The following GPC6 variants were observed in gnomAD, a reference collection of about 807,000 sequenced individuals.
GPC6 encodes glypican-6.
A neutral mutation model predicts 55.2 loss-of-function variants in GPC6; 14 were observed. The ratio of observed to expected loss-of-function variants is 0.25; its 90% confidence interval spans 0.17 to 0.40. GPC6 has a LOEUF of 0.40. Among genes scored for constraint, GPC6 ranks in the 10% least tolerant of loss-of-function variants. GPC6 has a pLI of 1.00. For synonymous variants in GPC6, 278 were observed against 259.6 expected, an observed-to-expected ratio of 1.07 and a Z score of -0.68; for missense variants, 641 against 708.5, an observed-to-expected ratio of 0.90 and a Z score of 1.08.
chr13:93,812,209 T>G (rs1402767069), intron 2 of GPC6, among the ~76,000 whole-genome samples: 1 of 149,938 alleles, frequency 6.7e-6, no homozygotes, highest in Admixed American at 6.7e-5. Context: ...GCCAACATGG[T>G]GAAACCCTGT....
intron 1 of GPC6, among the ~76,000 whole-genome samples, chr13:93,437,438 A>C (rs1432438410): frequency 6.6e-6 from 1 of 152,216 alleles, no homozygotes; most frequent in Non-Finnish European, 1.5e-5. Context: ...TTTTTGAAGG[A>C]AATTAAAAGT....
intron 3 of GPC6, among the ~76,000 whole-genome samples, chr13:93,883,105 G>A (rs891505614): frequency 3.3e-5 from 5 of 150,204 alleles, no homozygotes; most frequent in Non-Finnish European, 5.9e-5. Flanking sequence ...TTCCTCTTCT[G>A]TCTTTCTGGT....
At chr13:93,300,348 T>C (rs1159139939) in intron 1 of GPC6, among the ~76,000 whole-genome samples, 4 of 152,136 alleles carry the variant, frequency 2.6e-5, no homozygotes, top group African/African-American at 9.7e-5. Context: ...CTTTTGTGAA[T>C]TGAGGTTTAA....
chr13:93,942,679 A>G (rs1878796950), intron 3 of GPC6, among the ~76,000 whole-genome samples: 1 of 152,146 alleles, frequency 6.6e-6, no homozygotes, highest in South Asian at 2.1e-4. Flanking sequence ...GCCATAGTCT[A>G]TTCATTAGAA....
intron 4 of GPC6, among the ~76,000 whole-genome samples, chr13:94,243,703 A>G (rs1891120660): frequency 6.6e-6 from 1 of 152,148 alleles, no homozygotes; most frequent in Non-Finnish European, 1.5e-5. Flanking sequence ...TTAGTGCTCA[A>G]TCCTCATGGA....
At chr13:93,972,534 C>G (rs1880330104) in intron 3 of GPC6, among the ~76,000 whole-genome samples, 1 of 152,098 alleles carries the variant, frequency 6.6e-6, no homozygotes, top group African/African-American at 2.4e-5. Flanking sequence ...TTCCATTGCT[C>G]TCTGTTGGAA....
intron 3 of GPC6, among the ~76,000 whole-genome samples, chr13:93,891,719 TAC>T (rs1875692542): frequency 6.6e-6 from 1 of 152,068 alleles, no homozygotes; most frequent in South Asian, 2.1e-4. Context: ...TATGTGTGCA[TAC>T]AGTGTGTGTG....
chr13:93,640,591 A>G (rs1879871348), intron 2 of GPC6, among the ~76,000 whole-genome samples: 1 of 152,094 alleles, frequency 6.6e-6, no homozygotes, highest in African/African-American at 2.4e-5. Context: ...CTATCAAGAA[A>G]TGGAAGCTGA....
chr13:94,135,442 T>A (rs996450942), intron 4 of GPC6, among the ~76,000 whole-genome samples: 4 of 152,334 alleles, frequency 2.6e-5, no homozygotes, highest in Admixed American at 2.6e-4. Flanking sequence ...TATCTTAATT[T>A]TTCAGTGTCT....
intron 2 of GPC6, among the ~76,000 whole-genome samples, chr13:93,603,325 C>T (rs897040958): frequency 4.6e-5 from 7 of 152,132 alleles, no homozygotes; most frequent in African/African-American, 7.2e-5. Context: ...AGTATTATTT[C>T]TTGTTAGCCA....
intron 4 of GPC6, among the ~76,000 whole-genome samples, chr13:94,138,495 A>C (rs917405563): frequency 6.6e-6 from 1 of 152,072 alleles, no homozygotes; most frequent in African/African-American, 2.4e-5. Flanking sequence ...ATAAACTTTG[A>C]CCTGGGTGGG....
At chr13:93,879,898 G>A (rs1172646874) in intron 3 of GPC6, among the ~76,000 whole-genome samples, 1 of 151,338 alleles carries the variant, frequency 6.6e-6, no homozygotes, top group Non-Finnish European at 1.5e-5. Flanking sequence ...TCAAAAAGTG[G>A]GCGAAGGACA....
At position 93,290,763 on chromosome 13, in the gene GPC6, T is replaced by G. The variant is rs73554223; in HGVS notation, c.160+63147T>G. Among the ~76,000 whole-genome samples, 726 of 152,312 alleles carry G rather than the reference T, an allele frequency of 4.8e-3. 4 individuals carry two copies. The highest frequency in any genetic ancestry group is 0.015 in the African/African-American group (630 of 41,584). On this transcript the variant is annotated intron_variant, in intron 1 of 8. Coordinates refer to ENST00000377047, the MANE Select transcript of GPC6 (RefSeq NM_005708.5). ...ATGAAACTTCTGAGAACCATACTGA[T>G]CTCATGATAACTTTATCTCTATACA...
At chr13:93,600,692 C>T (rs1281947319) in intron 2 of GPC6, among the ~76,000 whole-genome samples, 1 of 152,070 alleles carries the variant, frequency 6.6e-6, no homozygotes, top group Non-Finnish European at 1.5e-5. Flanking sequence ...CGGCTCATGC[C>T]TGTAATCCCA....
intron 1 of GPC6, among the ~76,000 whole-genome samples, chr13:93,468,916 T>TTTTGTTTG (rs1177048568): frequency 6.6e-6 from 1 of 152,144 alleles, no homozygotes; most frequent in East Asian, 1.9e-4. Flanking sequence ...ACTGTGGGTT[T>TTTTGTTTG]TTTGTTTGTT....
chr13:93,742,617 ATGGAGAGGC>A (rs1217857302), intron 2 of GPC6, among the ~76,000 whole-genome samples: 1 of 152,216 alleles, frequency 6.6e-6, no homozygotes, highest in Non-Finnish European at 1.5e-5. Context: ...GGGGATATCA[ATGGAGAGGC>A]TGACACCTCA....
In GPC6 at chr13:94,128,367, T is replaced by G. The variant is rs553098068; in HGVS notation, c.877+100473T>G. Among the ~76,000 whole-genome samples, 12 of 152,322 alleles carry G rather than the reference T, an allele frequency of 7.9e-5. No homozygotes were observed. In the East Asian group the frequency reaches 2.3e-3, roughly 29 times the overall value. ...TTTAATAGAGAGCACAATAGATCAC[T>G]GTATCTGTCAGGATAAGCTAGTTGT... On this transcript the variant is annotated intron_variant, in intron 4 of 8. Coordinates refer to ENST00000377047, the MANE Select transcript of GPC6 (RefSeq NM_005708.5).
intron 1 of GPC6, among the ~76,000 whole-genome samples, chr13:93,388,587 A>G (rs973244874): frequency 6.6e-6 from 1 of 152,170 alleles, no homozygotes; most frequent in African/African-American, 2.4e-5. Context: ...TCTCAAGCTG[A>G]GGTATATGCC....
chr13:94,022,683 C>T (rs186502562), intron 3 of GPC6, among the ~76,000 whole-genome samples: 1 of 151,962 alleles, frequency 6.6e-6, no homozygotes, highest in Non-Finnish European at 1.5e-5. Flanking sequence ...CTTTAATGGC[C>T]ACATCAATCC....
Sources: allele counts gnomAD v4.1 joint callset (sites outside exome capture counted in the v4.1 genomes callset), GRCh38; gene constraint gnomAD v4.1.1; transcripts MANE v1.5; gene names NCBI Gene and HGNC (gene_info 2026-07-23, HGNC 2026-07-21).